The following LAMB3 variants were observed in gnomAD, a reference collection of about 807,000 sequenced individuals.
The protein encoded by LAMB3 is laminin subunit beta-3.
LAMB3 carries 104 observed loss-of-function variants against 140.3 expected under a neutral mutation model. That is an observed-to-expected ratio of 0.74 (90% CI 0.63 to 0.87). LAMB3 has a LOEUF of 0.87. Among genes scored for constraint, LAMB3 ranks in the 40% least tolerant of loss-of-function variants. The pLI is 0.00. For synonymous variants in LAMB3, 592 were observed against 602.9 expected (o/e 0.98, Z 0.26); for missense variants, 1,531 against 1,575.2 (o/e 0.97, Z 0.47).
chr1:209,644,200 G>A lies in LAMB3; in HGVS notation c.184-5552C>T, dbSNP rs948639446. 9.9e-5 allele frequency among the ~76,000 whole-genome samples: 15 copies of A among 152,226 alleles called. 2 individuals carry two copies. The highest frequency in any genetic ancestry group is 8.3e-4 in the South Asian group (4 of 4,830). On this transcript the variant is annotated intron_variant, in intron 3 of 22. Coordinates refer to ENST00000356082, the MANE Select transcript of LAMB3 (RefSeq NM_000228.3). ...AAAGGCAGCACCTAGTGCAGGCGCT[G>A]GGTGGGAGGACAGCCGTATGTGAGA...
chr1:209,615,910 A>G lies in LAMB3; in HGVS notation c.3383-503T>C, dbSNP rs1261954898. Among the ~76,000 whole-genome samples, 6 of 152,064 alleles carry G rather than the reference A, an allele frequency of 3.9e-5. No individual in the cohort carries two copies. The East Asian group carries it at 7.7e-4, about 20-fold the overall frequency. ...CACAGGGACAAGTCATGTTGACCTCATGCCACTTCTTTCCTACCAGCTCCT... is the reference window on the plus strand; with the variant it reads ...CACAGGGACAAGTCATGTTGACCTCGTGCCACTTCTTTCCTACCAGCTCCT... On this transcript the variant is annotated intron_variant, in intron 22 of 22. Coordinates refer to ENST00000356082, the MANE Select transcript of LAMB3 (RefSeq NM_000228.3).
chr1:209,624,215 A>G (rs1052908185), intron 14 of LAMB3, among the ~76,000 whole-genome samples: 1 of 152,090 alleles, frequency 6.6e-6, no homozygotes, highest in Non-Finnish European at 1.5e-5. Context: ...TGGAGCCACA[A>G]AACTCTCCTC....
intron 5 of LAMB3, 102 bp from the exon 6 acceptor site, chr1:209,634,740 G>C: frequency 1.0e-6 from 1 of 968,072 alleles, no homozygotes; most frequent in Non-Finnish European, 1.6e-6. Context: ...GGGAGAAAGG[G>C]GGCCCAGTGG....
At position 209,634,454 on chromosome 1, in the gene LAMB3, C is replaced by A. The variant is rs200501999; in HGVS notation, c.557G>T (p.Gly186Val). ...AGGATTCCCTCTACCTACCTTCCCC[C>A]CATTTAGGCGTGCATTAGGCCTCTG... is the stretch of plus-strand genomic sequence containing the variant. ...LPQRPNARLN[G>V]GKVQLNLMDL... is the part of the protein sequence containing the mutation. The change falls in exon 6 of 23, where the codon GGG becomes GTG. Residue 186 changes from glycine (G) to valine (V), a missense_variant. By Grantham distance (109) the Gly-to-Val change is moderately radical. Transcript: ENST00000356082. The A allele has an allele frequency of 6.9e-5, 111 of 1,614,080 alleles. No homozygotes were observed. The African/African-American group carries it at 1.3e-3, about 19-fold the overall frequency.
Position 209,623,735 on chromosome 1 carries a change from G to A in LAMB3, c.2138-10C>T. Reference sequence around the variant, plus strand: ...AGCATCCGGAAGGCTCCTGTGGCGAGAAGCATGAGGAATGGAGATGGAGGA... The same window carrying A: ...AGCATCCGGAAGGCTCCTGTGGCGAAAAGCATGAGGAATGGAGATGGAGGA... On this transcript the variant is annotated splice_polypyrimidine_tract_variant and intron_variant, in intron 15 of 22. Transcript: ENST00000356082. The surrounding 1 kb of genome is among the most constrained non-coding windows in gnomAD (Gnocchi z 4.2). The A allele has an allele frequency of 1.1e-5, 17 of 1,613,914 alleles. No individual in the cohort carries two copies. The highest frequency in any genetic ancestry group is 1.4e-5 in the Non-Finnish European group (17 of 1,179,992).
chr1:209,617,659 C>G, intron 20 of LAMB3, 73 bp from the exon 21 acceptor site: 2 of 1,563,036 alleles, frequency 1.3e-6, no homozygotes, highest in African/African-American at 2.7e-5. Flanking sequence ...CATTTTTTCT[C>G]CAACTCATCA....
At chr1:209,638,113 A>G (rs1282111251) in intron 4 of LAMB3, 132 bp from the exon 5 acceptor site, 1 of 762,786 alleles carries the variant, frequency 1.3e-6, no homozygotes, top group East Asian at 2.7e-5. Flanking sequence ...TCCCTCTTGG[A>G]GAGGAGTGGG....
In LAMB3 at chr1:209,623,692, T is replaced by G. The variant is rs894284443; in HGVS notation, c.2171A>C (p.Gln724Pro). Residue 724 changes from glutamine to proline, a missense_variant, in exon 16 of 23, where the codon CAG (glutamine) becomes CCG (proline). Transcript: ENST00000356082. This position sits in a 1 kb window ranked among gnomAD's most constrained non-coding sequence, Gnocchi z 4.2. ...GACCTGCTGAGCAGCCTGGGCTGACTGCTCGTAGGCTGTGCTCAGCATCCG... is the reference window on the plus strand; with the variant it reads ...GACCTGCTGAGCAGCCTGGGCTGACGGCTCGTAGGCTGTGCTCAGCATCCG... Reference protein sequence around the residue: ...AFRMLSTAYEQSAQAAQQVSD... With the variant: ...AFRMLSTAYEPSAQAAQQVSD... 6.2e-7 allele frequency: 1 copy of G among 1,614,140 alleles called. No homozygotes were observed. Among genetic ancestry groups the G allele is most frequent in the South Asian group, 1.1e-5 (1 of 91,086 alleles).
At chr1:209,635,479 T>A (rs867724850) in intron 5 of LAMB3, among the ~76,000 whole-genome samples, 2 of 152,222 alleles carry the variant, frequency 1.3e-5, no homozygotes. Context: ...CTTGGCTCAC[T>A]GCAACCTCCG....
chr1:209,648,963 G>C (rs761366912), intron 3 of LAMB3, among the ~76,000 whole-genome samples: 172 of 152,194 alleles, frequency 1.1e-3, no homozygotes, highest in Non-Finnish European at 2.1e-3. Context: ...GCTAGGGCTG[G>C]CCATCTTACC....
At chr1:209,630,532 C>T in intron 9 of LAMB3, 83 bp downstream of exon 9, 1 of 1,444,876 alleles carries the variant, frequency 6.9e-7, no homozygotes, top group South Asian at 1.2e-5. Context: ...GATCCCCCTG[C>T]ATCCCAGGTG....
Position 209,617,898 on chromosome 1 carries a change from A to G in LAMB3, c.3051+9T>C, listed in dbSNP as rs978094347. The G allele has an allele frequency of 7.4e-6, 12 of 1,614,050 alleles. No homozygotes were observed. The highest frequency in any genetic ancestry group is 9.3e-6 in the Non-Finnish European group (11 of 1,180,036). On this transcript the variant is annotated intron_variant, in intron 20 of 22. Transcript: ENST00000356082. The stretch of plus-strand genomic sequence containing the variant: ...CCAAATATGGGCGGAGGAAGCCATA[A>G]TGCCTCACCTCAGCAACCCTGTCCT...
intron 22 of LAMB3, 93 bp downstream of exon 22, chr1:209,616,378 G>A: frequency 7.0e-7 from 1 of 1,421,202 alleles, no homozygotes; most frequent in Non-Finnish European, 9.9e-7. Context: ...AGCACGGCTA[G>A]CTCCAATAAG....
At chr1:209,627,064 T>C in intron 12 of LAMB3, 86 bp from the exon 13 acceptor site, 1 of 1,016,386 alleles carries the variant, frequency 9.8e-7, no homozygotes, top group Non-Finnish European at 1.5e-6. Context: ...AGATTCCTGG[T>C]CCACAGGTAG....
intron 3 of LAMB3, among the ~76,000 whole-genome samples, chr1:209,648,379 C>A (rs1279470774): frequency 3.9e-5 from 6 of 152,198 alleles, no homozygotes; most frequent in Admixed American, 3.3e-4. Context: ...GAAAGATACT[C>A]CCTGCTATCC....
In LAMB3 at chr1:209,623,565, C is replaced by T. The variant is rs113745536; in HGVS notation, c.2298G>A (p.Lys766=). ...AGGGGGTGSP[K]LVALRLEMSS... ...ACATCTCCAGCCTCAGGGCCACAAG[C>T]TTGGGGCTGCCGGTGCCTCCTCCTC... Residue 766 remains lysine, a synonymous_variant, in exon 16 of 23, where the codon AAG becomes AAA. Coordinates refer to ENST00000356082, the MANE Select transcript of LAMB3 (RefSeq NM_000228.3). This position sits in a 1 kb window ranked among gnomAD's most constrained non-coding sequence, Gnocchi z 4.2. 9.8e-4 allele frequency: 1,578 copies of T among 1,614,228 alleles called. 2 individuals carry two copies. The highest frequency in any genetic ancestry group is 1.3e-3 in the Non-Finnish European group (1,511 of 1,180,030).
At chr1:209,642,137 C>T (rs2076474173) in intron 3 of LAMB3, among the ~76,000 whole-genome samples, 2 of 152,046 alleles carry the variant, frequency 1.3e-5, no homozygotes, top group Non-Finnish European at 2.9e-5. Flanking sequence ...ATTAAAAACA[C>T]TGTTTAGAGA....
intron 18 of LAMB3, among the ~76,000 whole-genome samples, chr1:209,621,767 C>T (rs1413653461): frequency 6.6e-6 from 1 of 152,154 alleles, no homozygotes; most frequent in Non-Finnish European, 1.5e-5. Flanking sequence ...ACAGCCCTTC[C>T]TCACTCCCCA....
intron 21 of LAMB3, among the ~76,000 whole-genome samples, chr1:209,617,029 T>C (rs1175502559): frequency 3.9e-5 from 6 of 152,226 alleles, no homozygotes; most frequent in African/African-American, 1.2e-4. Context: ...TCTCATCTAA[T>C]TCTGACAATC....
Sources: allele counts gnomAD v4.1 joint callset (sites outside exome capture counted in the v4.1 genomes callset), GRCh38; gene constraint gnomAD v4.1.1; non-coding constraint Gnocchi (gnomAD v3.1); transcripts MANE v1.5; gene names NCBI Gene and HGNC (gene_info 2026-07-23, HGNC 2026-07-21).